The following WASF3 variants were observed in gnomAD, a reference collection of about 807,000 sequenced individuals.
WASF3 encodes WASP family member 3.
Under a neutral mutation model 46.6 loss-of-function variants are expected in WASF3, and 11 were observed. The ratio of observed to expected loss-of-function variants is 0.24; its 90% CI spans 0.15 to 0.39. WASF3 has a LOEUF of 0.39. Ranked by LOEUF, WASF3 falls within the 10% of genes least tolerant of loss-of-function variation. WASF3 has a pLI of 1.00. For missense variants in WASF3, 576 were observed against 669.8 expected, an observed-to-expected ratio of 0.86 and a Z score of 1.55; for synonymous variants, 242 against 259.7, an observed-to-expected ratio of 0.93 and a Z score of 0.65.
At chr13:26,661,634 C>T (rs1882633206) in intron 3 of WASF3, among the ~76,000 whole-genome samples, 1 of 152,154 alleles carries the variant, frequency 6.6e-6, no homozygotes, top group Non-Finnish European at 1.5e-5. Context: ...GGTATATACT[C>T]AAGTAGAGTT....
intron 1 of WASF3, among the ~76,000 whole-genome samples, chr13:26,606,321 CGTGTGTGTGTGTGTGTGTGTGT>C (rs60865367): frequency 2.3e-5 from 3 of 131,964 alleles, no homozygotes; most frequent in Admixed American, 7.8e-5. Context: ...TCTTTTTTTT[CGTGTGTGTGTGTGTGTGTGTGT>C]GTGTGTGTGT....
intron 3 of WASF3, 95 bp downstream of exon 3, chr13:26,642,498 C>A: frequency 7.2e-7 from 1 of 1,392,868 alleles, no homozygotes; most frequent in African/African-American, 1.5e-5. Context: ...GAGATTGCAG[C>A]TTTAAGGAAA....
intron 2 of WASF3, among the ~76,000 whole-genome samples, chr13:26,635,252 A>T (rs1401775991): frequency 1.3e-5 from 2 of 152,028 alleles, no homozygotes; most frequent in Non-Finnish European, 2.9e-5. Context: ...TCAATCACTG[A>T]TATCTTTTCT....
At chr13:26,594,663 A>G (rs1341229888) in intron 1 of WASF3, among the ~76,000 whole-genome samples, 1 of 152,146 alleles carries the variant, frequency 6.6e-6, no homozygotes, top group African/African-American at 2.4e-5. Context: ...TTTCCTAAGT[A>G]AATTAAGTTC....
intron 1 of WASF3, among the ~76,000 whole-genome samples, chr13:26,599,480 G>C (rs1204659432): frequency 6.6e-6 from 1 of 152,142 alleles, no homozygotes; most frequent in Non-Finnish European, 1.5e-5. Context: ...GGCTCTCTCA[G>C]CTCTCCTGCC....
At chr13:26,563,073 A>G (rs1184711930) in intron 1 of WASF3, among the ~76,000 whole-genome samples, 1 of 150,178 alleles carries the variant, frequency 6.7e-6, no homozygotes, top group African/African-American at 2.5e-5. Context: ...CCTAGGTGCC[A>G]TTGTGTCTCC....
chr13:26,660,096 CT>C (rs1022976773), intron 3 of WASF3, among the ~76,000 whole-genome samples: 4 of 145,826 alleles, frequency 2.7e-5, no homozygotes, highest in African/African-American at 1.0e-4. Flanking sequence ...TAACACAGAT[CT>C]TTTTTTCTGT....
chr13:26,668,774 T>TGCCAC (rs1291006505), intron 5 of WASF3, among the ~76,000 whole-genome samples: 1 of 152,236 alleles, frequency 6.6e-6, no homozygotes, highest in African/African-American at 2.4e-5. Flanking sequence ...AGGAGCAAGA[T>TGCCAC]GCCACGCCTT....
chr13:26,618,286 C>T (rs941462827), intron 2 of WASF3, among the ~76,000 whole-genome samples: 5 of 151,976 alleles, frequency 3.3e-5, no homozygotes, highest in East Asian at 1.9e-4. Flanking sequence ...GTTGTTTGTA[C>T]GAAATCAAAA....
rs1479850195 is a variant in WASF3, at chr13:26,687,326, TA to T, written c.*1485del. 14 of 152,366 alleles carry T rather than the reference TA, an allele frequency of 9.2e-5. No individual in the cohort carries two copies. Among genetic ancestry groups the T allele is most frequent in the African/African-American group, 3.4e-4 (14 of 41,590 alleles). The allele number at this position is 152,366 out of a possible 1,614,324, so 9.4% of individuals were successfully genotyped here. ...AGTTATGTTGAGAAGAATCTGGAGC[TA>T]AAAGCAGAGATGTTTGAGGTGACGG... On this transcript the variant is annotated 3_prime_UTR_variant, in exon 10 of 10. Transcript: ENST00000335327.
At chr13:26,613,432 T>C (rs1881038345) in intron 2 of WASF3, among the ~76,000 whole-genome samples, 1 of 152,140 alleles carries the variant, frequency 6.6e-6, no homozygotes, top group Non-Finnish European at 1.5e-5. Flanking sequence ...TCTGAATCTT[T>C]CTAGTAATGA....
At chr13:26,640,109 T>C (rs1207562216) in intron 2 of WASF3, among the ~76,000 whole-genome samples, 2 of 152,012 alleles carry the variant, frequency 1.3e-5, no homozygotes, top group Non-Finnish European at 1.5e-5. Flanking sequence ...GGGTGAGCTG[T>C]TTTCCATCTA....
chr13:26,614,709 A>G (rs1006404809), intron 2 of WASF3, among the ~76,000 whole-genome samples: 1 of 152,078 alleles, frequency 6.6e-6, no homozygotes, highest in African/African-American at 2.4e-5. Flanking sequence ...TTTAACACGG[A>G]TACTGTCTAG....
At chr13:26,659,856 G>C (rs1255458647) in intron 3 of WASF3, among the ~76,000 whole-genome samples, 1 of 152,138 alleles carries the variant, frequency 6.6e-6, no homozygotes, top group East Asian at 1.9e-4. Flanking sequence ...GAGAGAAGCA[G>C]GCTTATGAGG....
At chr13:26,548,094 G>C in the WASF3 span, among the ~76,000 whole-genome samples, 5 of 152,260 alleles carry the variant, frequency 3.3e-5, no homozygotes, top group Admixed American at 6.5e-5. Context: ...CAGAGTTCTG[G>C]TTTTCGGATT....
chr13:26,682,811 A>G lies in WASF3; in HGVS notation c.1188A>G (p.Pro396=). 1 of 1,604,622 alleles carries G rather than the reference A, an allele frequency of 6.2e-7. No individual in the cohort carries two copies. The highest frequency in any genetic ancestry group is 2.2e-5 in the East Asian group (1 of 44,566). The part of the protein sequence containing the change: ...PSTGLLVTAP[P]PPGPPPPPPG... The stretch of plus-strand genomic sequence containing the variant: ...CCGGGCTCCTGGTCACAGCCCCGCC[A>G]CCCCCGGGCCCACCACCTCCCCCGC... The change falls in exon 9 of 10, where the codon CCA becomes CCG. Residue 396 remains proline, a synonymous_variant. Transcript: ENST00000335327. The surrounding 1 kb of genome is among the most constrained non-coding windows in gnomAD (Gnocchi z 4.4).
intron 3 of WASF3, among the ~76,000 whole-genome samples, chr13:26,657,406 C>A (rs979465206): frequency 6.6e-6 from 1 of 152,224 alleles, no homozygotes; most frequent in African/African-American, 2.4e-5. Flanking sequence ...TACTTCTAAA[C>A]ACATTTGATG....
intron 1 of WASF3, among the ~76,000 whole-genome samples, chr13:26,565,638 A>G (rs2137145084): frequency 6.6e-6 from 1 of 152,252 alleles, no homozygotes; most frequent in African/African-American, 2.4e-5. Flanking sequence ...TAATTCCCCA[A>G]ACACCTGTCT....
chr13:26,610,088 T>C (rs1166337379), intron 1 of WASF3, among the ~76,000 whole-genome samples: 1 of 152,112 alleles, frequency 6.6e-6, no homozygotes, highest in East Asian at 1.9e-4. Flanking sequence ...CTGCGGGACA[T>C]TCATTTGGAC....
Sources: allele counts gnomAD v4.1 joint callset (sites outside exome capture counted in the v4.1 genomes callset), GRCh38; gene constraint gnomAD v4.1.1; non-coding constraint Gnocchi (gnomAD v3.1); transcripts MANE v1.5; gene names NCBI Gene and HGNC (gene_info 2026-07-23, HGNC 2026-07-21).